Variants in PRUNE2 observed in about 807,000 individuals in gnomAD.
The protein encoded by PRUNE2 is prune homolog 2 with BCH domain, also known as protein prune homolog 2.
Under a neutral mutation model 252.0 loss-of-function variants are expected in PRUNE2, and 164 were observed. The ratio of observed to expected loss-of-function variants is 0.65; its 90% CI spans 0.57 to 0.74. PRUNE2 has a LOEUF of 0.74. PRUNE2 is among the 30% of genes least tolerant of loss of function. The pLI, the probability that PRUNE2 is intolerant of heterozygous loss-of-function variation, is 0.00. For synonymous variants in PRUNE2, 1,292 were observed against 1,350.2 expected, an observed-to-expected ratio of 0.96 and a Z score of 0.94; for missense variants, 3,495 against 3,711.0, an observed-to-expected ratio of 0.94 and a Z score of 1.51.
intron 1 of PRUNE2, among the ~76,000 whole-genome samples, 165 bp from the exon 2 acceptor site, chr9:76,854,373 G>A (rs1167589363): frequency 6.6e-6 from 1 of 152,168 alleles, no homozygotes; most frequent in Non-Finnish European, 1.5e-5. Flanking sequence ...ATTGTACAAA[G>A]TGTTTAACAC....
At chr9:76,642,045 T>C (rs1172191434) in intron 12 of PRUNE2, 22 of 1,117,168 alleles carry the variant, frequency 2.0e-5, no homozygotes, top group Non-Finnish European at 2.8e-5. Flanking sequence ...AAACTCCTTG[T>C]TAAAATTACT....
chr9:76,870,513 G>A (rs529372272), intron 1 of PRUNE2, among the ~76,000 whole-genome samples: 165 of 151,980 alleles, frequency 1.1e-3, no homozygotes, highest in African/African-American at 3.9e-3. Context: ...GTGAAACCCC[G>A]TCTCTACTAA....
chr9:76,682,254 T>C (rs2043531761), intron 9 of PRUNE2, among the ~76,000 whole-genome samples: 1 of 151,632 alleles, frequency 6.6e-6, no homozygotes. Flanking sequence ...ATAGTTTACT[T>C]ATAGAAAACT....
chr9:76,741,082 C>A (rs2049577606), intron 6 of PRUNE2, among the ~76,000 whole-genome samples: 1 of 152,062 alleles, frequency 6.6e-6, no homozygotes, highest in African/African-American at 2.4e-5. Context: ...TGTAGGAACC[C>A]AAAAATTCCA....
intron 6 of PRUNE2, among the ~76,000 whole-genome samples, chr9:76,760,414 A>G (rs767035282): frequency 2.6e-5 from 4 of 152,078 alleles, no homozygotes; most frequent in Non-Finnish European, 5.9e-5. Context: ...CTGCTCCCCC[A>G]TATCAGTACC....
At chr9:76,844,019 C>T (rs1490194409) in intron 4 of PRUNE2, among the ~76,000 whole-genome samples, 1 of 152,212 alleles carries the variant, frequency 6.6e-6, no homozygotes, top group Non-Finnish European at 1.5e-5. Flanking sequence ...TGAGCCACCA[C>T]GCCCAGCCTA....
At chr9:76,824,228 A>T (rs921854068) in intron 5 of PRUNE2, among the ~76,000 whole-genome samples, 3 of 152,156 alleles carry the variant, frequency 2.0e-5, no homozygotes, top group Admixed American at 6.5e-5. Flanking sequence ...AGCCCATAAG[A>T]TTAAATACTT....
intron 9 of PRUNE2, among the ~76,000 whole-genome samples, chr9:76,675,625 T>C (rs1185512255): frequency 3.4e-5 from 4 of 118,142 alleles, no homozygotes; most frequent in African/African-American, 1.1e-4. Flanking sequence ...CGTATGTTTA[T>C]TGCGGCATTA....
chr9:76,729,278 G>A (rs570434624), intron 6 of PRUNE2, among the ~76,000 whole-genome samples: 6 of 152,246 alleles, frequency 3.9e-5, no homozygotes, highest in African/African-American at 1.2e-4. Context: ...CTAAAAATAC[G>A]GACACCTGGG....
chr9:76,768,577 A>ATGTG lies in PRUNE2; in HGVS notation c.757-54857_757-54856insCACA, dbSNP rs879821167. On this transcript the variant is annotated intron_variant, in intron 6 of 18. Transcript: ENST00000376718. ...TATCTTTGGGTTGATATATATATGTATATGTATGTGTGTGTGTGTGTGTGT... is the reference window on the plus strand; with the variant it reads ...TATCTTTGGGTTGATATATATATGTATGTGTATGTATGTGTGTGTGTGTGTGTGT... Among the ~76,000 whole-genome samples the ATGTG allele has an allele frequency of 4.7e-3, 457 of 98,130 alleles. 7 individuals are homozygous for ATGTG. Among genetic ancestry groups the ATGTG allele is most frequent in the African/African-American group, 0.014 (435 of 30,506 alleles). The allele number at this position is 98,130 out of a possible 152,430, so 64.4% of individuals were successfully genotyped here.
At chr9:76,665,512 C>T (rs1349990184) in intron 9 of PRUNE2, among the ~76,000 whole-genome samples, 3 of 152,112 alleles carry the variant, frequency 2.0e-5, no homozygotes, top group African/African-American at 7.2e-5. Flanking sequence ...CCTATGATTT[C>T]CTGTTTGAAA....
chr9:76,650,080 C>A, intron 11 of PRUNE2, among the ~76,000 whole-genome samples: 1 of 152,026 alleles, frequency 6.6e-6, no homozygotes, highest in East Asian at 1.9e-4. Flanking sequence ...TTAGCATATT[C>A]ACTGGGAAGC....
chr9:76,892,330 C>A (rs1198441046), intron 1 of PRUNE2, among the ~76,000 whole-genome samples: 1 of 152,146 alleles, frequency 6.6e-6, no homozygotes, highest in African/African-American at 2.4e-5. Flanking sequence ...CTCTCTGAGT[C>A]TTGAAATTTG....
At position 76,776,290 on chromosome 9, in the gene PRUNE2, G is replaced by A. The variant is rs192208964; in HGVS notation, c.756+47342C>T. ...ATTTTTCATTCCTTACCACCCTCCC[G>A]CCTTCCCACCTTTTGGACTCTCCGA... On this transcript the variant is annotated intron_variant, in intron 6 of 18. Transcript: ENST00000376718. Among the ~76,000 whole-genome samples the A allele has an allele frequency of 3.0e-3, 452 of 151,932 alleles. 4 individuals are homozygous for A. Among genetic ancestry groups the A allele is most frequent in the African/African-American group, 9.7e-3 (402 of 41,418 alleles).
At chr9:76,644,295 TA>T (rs1006666697) in intron 12 of PRUNE2, among the ~76,000 whole-genome samples, 102 of 148,852 alleles carry the variant, frequency 6.9e-4, no homozygotes, top group Admixed American at 3.4e-4. Flanking sequence ...AGGCTAAGTC[TA>T]AAAAAAAAAT....
intron 12 of PRUNE2, 66 bp downstream of exon 12, chr9:76,644,673 C>T: frequency 6.6e-7 from 1 of 1,505,050 alleles, no homozygotes; most frequent in Non-Finnish European, 9.2e-7. Context: ...TCTAGACTCA[C>T]TTCATGATTT....
chr9:76,658,684 T>C (rs1005643336), intron 9 of PRUNE2, among the ~76,000 whole-genome samples: 2 of 152,204 alleles, frequency 1.3e-5, no homozygotes, highest in East Asian at 1.9e-4. Context: ...AGTTTCTTTA[T>C]ACAGAATGGA....
chr9:76,695,577 A>G (rs1402900422), intron 9 of PRUNE2, among the ~76,000 whole-genome samples: 1 of 152,222 alleles, frequency 6.6e-6, no homozygotes, highest in Non-Finnish European at 1.5e-5. Flanking sequence ...AAAAAGATGG[A>G]TTTGGTAACT....
intron 6 of PRUNE2, among the ~76,000 whole-genome samples, chr9:76,822,839 A>G (rs1322358584): frequency 2.0e-5 from 3 of 152,118 alleles, no homozygotes; most frequent in Admixed American, 2.0e-4. Flanking sequence ...ATGGCAACAC[A>G]CAATTCTAAA....
Sources: gnomAD v4.1 joint callset for allele counts (sites outside exome capture counted in the v4.1 genomes callset) on GRCh38, gnomAD v4.1.1 for gene constraint, MANE v1.5 for transcripts, NCBI Gene and HGNC (gene_info 2026-07-23, HGNC 2026-07-21) for gene names.